ELMOD1: variants seen among roughly 807,000 people sequenced by gnomAD.
ELMOD1 encodes the protein ELMO domain containing 1, also known as ELMO domain-containing protein 1.
ELMOD1 carries 21 observed loss-of-function variants against 46.7 expected under a neutral mutation model. The ratio of observed to expected loss-of-function variants is 0.45; its 90% CI spans 0.32 to 0.65. ELMOD1 has a LOEUF of 0.65. Among genes scored for constraint, ELMOD1 ranks in the 30% least tolerant of loss-of-function variants. The probability of loss-of-function intolerance (pLI) is 0.04; values close to 1 mark genes in which losing one functional copy is unlikely to be tolerated. For missense variants in ELMOD1, 348 were observed against 407.8 expected (o/e 0.85, Z 1.26); for synonymous variants, 122 against 138.2 (o/e 0.88, Z 0.82).
chr11:107,664,147 G>T (rs1866795053), intron 11 of ELMOD1, among the ~76,000 whole-genome samples: 1 of 151,670 alleles, frequency 6.6e-6, no homozygotes, highest in South Asian at 2.1e-4. Context: ...ATGCCTGGCT[G>T]TTTTTCTTTT....
At position 107,618,126 on chromosome 11, in the gene ELMOD1, G is replaced by A. The variant is rs1045607055; in HGVS notation, c.-64G>A. On this transcript the variant is annotated 5_prime_UTR_variant, in exon 2 of 12. Coordinates refer to ENST00000265840, the MANE Select transcript of ELMOD1 (RefSeq NM_018712.4). ...ACAGTTGACACTTACTTTGACAAAG[G>A]CAAATTTGGAAGCAATTACTTGAGG... 2.6e-6 allele frequency: 4 copies of A among 1,536,736 alleles called. No individual in the cohort carries two copies. Among genetic ancestry groups the A allele is most frequent in the African/African-American group, 2.7e-5 (2 of 72,772 alleles).
intron 9 of ELMOD1, among the ~76,000 whole-genome samples, chr11:107,652,864 T>C (rs1866549942): frequency 6.6e-6 from 1 of 152,228 alleles, no homozygotes; most frequent in Non-Finnish European, 1.5e-5. Flanking sequence ...TTGTGTGTAT[T>C]ATATGCATGT....
At chr11:107,610,415 G>A (rs1055198264) in intron 1 of ELMOD1, among the ~76,000 whole-genome samples, 2 of 152,126 alleles carry the variant, frequency 1.3e-5, no homozygotes, top group South Asian at 2.1e-4. Context: ...AGTGATCACA[G>A]TACTTTGGGA....
rs112998820 is a variant in ELMOD1, at chr11:107,642,178, A to G, written c.421-5290A>G. On this transcript the variant is annotated intron_variant, in intron 6 of 11. Transcript: ENST00000265840. ...AGGCTGATCTTGAACTCCTGACCTCATGATCCACCTGCCTTGGCCTCCCAA... is the reference window on the plus strand; with the variant it reads ...AGGCTGATCTTGAACTCCTGACCTCGTGATCCACCTGCCTTGGCCTCCCAA... Among the ~76,000 whole-genome samples the G allele has an allele frequency of 5.4e-3, 824 of 151,912 alleles. 7 individuals are homozygous for G. Among genetic ancestry groups the G allele is most frequent in the African/African-American group, 0.019 (783 of 41,440 alleles).
At chr11:107,601,690 A>G (rs931681827) in intron 1 of ELMOD1, among the ~76,000 whole-genome samples, 1 of 152,086 alleles carries the variant, frequency 6.6e-6, no homozygotes, top group African/African-American at 2.4e-5. Flanking sequence ...TGCTGGGATT[A>G]CAGGTGTGAG....
chr11:107,593,978 T>C (rs556014007), intron 1 of ELMOD1, among the ~76,000 whole-genome samples: 1 of 152,298 alleles, frequency 6.6e-6, no homozygotes, highest in Admixed American at 6.5e-5. Flanking sequence ...GTGAACAGTT[T>C]CACTTCAACA....
intron 2 of ELMOD1, among the ~76,000 whole-genome samples, chr11:107,621,272 G>C (rs892504199): frequency 6.6e-6 from 1 of 152,108 alleles, no homozygotes; most frequent in Non-Finnish European, 1.5e-5. Flanking sequence ...AAGAGGAAAG[G>C]AAAATATCTG....
At chr11:107,620,422 T>C (rs1376670603) in intron 2 of ELMOD1, 3 of 152,248 alleles carry the variant, frequency 2.0e-5, no homozygotes, top group African/African-American at 7.2e-5. Context: ...AAATATTCAA[T>C]GTATGTCAAA....
intron 1 of ELMOD1, chr11:107,591,969 A>T (rs1474439881): frequency 3.8e-6 from 2 of 524,012 alleles, no homozygotes; most frequent in Admixed American, 2.0e-5. Flanking sequence ...GAAACTCCGC[A>T]CTTCAATATT....
intron 1 of ELMOD1, among the ~76,000 whole-genome samples, chr11:107,606,713 T>G (rs906502490): frequency 1.3e-5 from 2 of 152,006 alleles, no homozygotes; most frequent in Admixed American, 1.3e-4. Context: ...CGTGCGCCTG[T>G]AATCCCAGCT....
chr11:107,660,728 T>C (rs998157614), intron 11 of ELMOD1, among the ~76,000 whole-genome samples: 5 of 152,232 alleles, frequency 3.3e-5, no homozygotes, highest in African/African-American at 1.2e-4. Context: ...CTGTGTTACC[T>C]ACTCCACAAA....
At chr11:107,659,269 C>T (rs1013864662) in intron 11 of ELMOD1, among the ~76,000 whole-genome samples, 2 of 152,070 alleles carry the variant, frequency 1.3e-5, no homozygotes, top group African/African-American at 4.8e-5. Context: ...TTCCCTGGCC[C>T]CTTATACTTG....
chr11:107,626,598 T>G (rs1220672135), intron 2 of ELMOD1, among the ~76,000 whole-genome samples: 1 of 145,436 alleles, frequency 6.9e-6, no homozygotes, highest in Non-Finnish European at 1.5e-5. Context: ...TCTTTCCTTC[T>G]TATCTTCTTT....
chr11:107,622,933 C>G (rs549377656), intron 2 of ELMOD1, among the ~76,000 whole-genome samples: 3 of 152,170 alleles, frequency 2.0e-5, no homozygotes, highest in Middle Eastern at 3.4e-3. Context: ...ATATATGACA[C>G]ATACATATAT....
At chr11:107,596,958 G>C (rs1865501796) in intron 1 of ELMOD1, among the ~76,000 whole-genome samples, 1 of 152,116 alleles carries the variant, frequency 6.6e-6, no homozygotes, top group Non-Finnish European at 1.5e-5. Flanking sequence ...TTATCAGCTA[G>C]AATATTGAGT....
intron 4 of ELMOD1, 92 bp downstream of exon 4, chr11:107,630,820 A>G: frequency 2.4e-6 from 3 of 1,272,528 alleles, no homozygotes; most frequent in Non-Finnish European, 2.2e-6. Flanking sequence ...AAAATATACC[A>G]CTGGCTAGGA....
At chr11:107,649,528 A>C (rs1866489495) in intron 7 of ELMOD1, among the ~76,000 whole-genome samples, 1 of 152,252 alleles carries the variant, frequency 6.6e-6, no homozygotes, top group South Asian at 2.1e-4. Flanking sequence ...GAGCCAAAAA[A>C]TATGAACAGA....
intron 6 of ELMOD1, among the ~76,000 whole-genome samples, chr11:107,646,939 ATCTAATCTATCT>A (rs1866436850): frequency 7.1e-6 from 1 of 140,884 alleles, no homozygotes; most frequent in Non-Finnish European, 1.5e-5. Flanking sequence ...GAGATTATCT[ATCTAATCTATCT>A]ATCTATCTAT....
chr11:107,621,822 T>C (rs1193833336), intron 2 of ELMOD1, among the ~76,000 whole-genome samples: 2 of 139,932 alleles, frequency 1.4e-5, no homozygotes, highest in Non-Finnish European at 3.2e-5. Flanking sequence ...AGGTCAGGAG[T>C]TCAAGACCAG....
Sources: gnomAD v4.1 joint callset for allele counts (sites outside exome capture counted in the v4.1 genomes callset) on GRCh38, gnomAD v4.1.1 for gene constraint, MANE v1.5 for transcripts, NCBI Gene and HGNC (gene_info 2026-07-23, HGNC 2026-07-21) for gene names.